The following PAIP2B variants were observed in gnomAD, a reference collection of about 807,000 sequenced individuals.
PAIP2B encodes the protein polyadenylate-binding protein-interacting protein 2B.
In PAIP2B, 13 loss-of-function variants were observed where a neutral mutation model predicts 17.0. The ratio of observed to expected loss-of-function variants is 0.76; its 90% CI spans 0.50 to 1.22. The LOEUF is 1.22. Among genes scored for constraint, PAIP2B ranks in the 50% most tolerant of loss-of-function variants. PAIP2B has a pLI of 0.00. For missense variants in PAIP2B, 117 were observed against 144.5 expected (o/e 0.81, Z 0.98); for synonymous variants, 43 against 48.7 (o/e 0.88, Z 0.48).
At chr2:71,202,337 A>G in intron 2 of PAIP2B, 115 bp downstream of exon 2, 1 of 1,344,276 alleles carries the variant, frequency 7.4e-7, no homozygotes, top group South Asian at 1.5e-5. Flanking sequence ...ATGAATTTTT[A>G]AGTTATTCTA....
chr2:71,197,484 T>A (rs1336152581), intron 2 of PAIP2B, among the ~76,000 whole-genome samples: 1 of 152,216 alleles, frequency 6.6e-6, no homozygotes, highest in Non-Finnish European at 1.5e-5. Context: ...GATGATTATG[T>A]GTCTTGGGAA....
At chr2:71,193,409 T>C (rs1445042732) in intron 2 of PAIP2B, among the ~76,000 whole-genome samples, 1 of 152,272 alleles carries the variant, frequency 6.6e-6, no homozygotes, top group African/African-American at 2.4e-5. Context: ...GTTGATAGTT[T>C]CTTTTGCTGT....
In PAIP2B at chr2:71,190,007, C is replaced by T. The variant is rs780326304; in HGVS notation, c.153G>A (p.Leu51=). Residue 51 remains leucine, a synonymous_variant, in exon 3 of 4, where the codon CTG becomes CTA. Coordinates refer to ENST00000244221, the MANE Select transcript of PAIP2B (RefSeq NM_020459.1). ...AGCGGTCCAAGAAGTCTTGCTCCTG[C>T]AGTTCCTCCTCCACCTAGCAAGCAA... ...EDFNRQVEEE[L]QEQDFLDRCF... 6 of 1,611,060 alleles carry T rather than the reference C, an allele frequency of 3.7e-6. No individual in the cohort carries two copies. The East Asian group carries it at 1.3e-4, about 36-fold the overall frequency.
Position 71,189,989 on chromosome 2 carries a change from C to T in PAIP2B, c.171G>A (p.Leu57=), listed in dbSNP as rs376354066. The change falls in exon 3 of 4, where the codon TTG becomes TTA. Residue 57 remains leucine (L), a synonymous_variant. Transcript: ENST00000244221. ...CCAGCATCTCTTGGAAGCAGCGGTC[C>T]AAGAAGTCTTGCTCCTGCAGTTCCT... ...VEEELQEQDF[L]DRCFQEMLDE... is the part of the protein sequence containing the mutation. 11 of 1,612,402 alleles carry T rather than the reference C, an allele frequency of 6.8e-6. No homozygotes were observed. In the African/African-American group the frequency reaches 1.5e-4, roughly 22 times the overall value.
chr2:71,214,650 T>C (rs1344136249), intron 1 of PAIP2B, among the ~76,000 whole-genome samples: 1 of 152,228 alleles, frequency 6.6e-6, no homozygotes, highest in Non-Finnish European at 1.5e-5. Flanking sequence ...TGAAGCTATA[T>C]ACAGCCTTTA....
At chr2:71,196,116 A>G (rs1450896722) in intron 2 of PAIP2B, among the ~76,000 whole-genome samples, 1 of 151,990 alleles carries the variant, frequency 6.6e-6, no homozygotes, top group Non-Finnish European at 1.5e-5. Context: ...TAGGTTGTTA[A>G]TTTGAGATCT....
At chr2:71,198,268 G>A (rs1347860111) in intron 2 of PAIP2B, among the ~76,000 whole-genome samples, 2 of 142,436 alleles carry the variant, frequency 1.4e-5, no homozygotes, top group Non-Finnish European at 3.1e-5. Context: ...ACAGGTGCCT[G>A]CCACCAGGCC....
chr2:71,185,842 G>A lies in PAIP2B; in HGVS notation c.*2637C>T, dbSNP rs1409671116. On this transcript the variant is annotated 3_prime_UTR_variant, in exon 4 of 4. Transcript: ENST00000244221. ...TTGGGTTTTTTCCCTTGAAAAGAAA[G>A]AGATAAATTATTTTCATCTTGGAAT... 6.6e-6 allele frequency: 1 copy of A among 152,134 alleles called. No individual in the cohort carries two copies. The highest frequency in any genetic ancestry group is 2.4e-5 in the African/African-American group (1 of 41,410). 9.4% of individuals were successfully genotyped at this position (152,134 alleles called of 1,614,324 possible). A position where few individuals can be genotyped will look rare whatever the true frequency, so the allele number is the denominator to read the frequency against.
chr2:71,189,598 G>A (rs1381800509), intron 3 of PAIP2B, among the ~76,000 whole-genome samples: 1 of 152,174 alleles, frequency 6.6e-6, no homozygotes, highest in Non-Finnish European at 1.5e-5. Context: ...AGTAAAGGTT[G>A]GTGGCGTCCA....
chr2:71,202,244 A>G (rs1675003335), intron 2 of PAIP2B, among the ~76,000 whole-genome samples: 2 of 152,216 alleles, frequency 1.3e-5, no homozygotes, highest in African/African-American at 4.8e-5. Context: ...AAAAATATAA[A>G]TATCTTCCTC....
chr2:71,197,931 G>C (rs551428419), intron 2 of PAIP2B, among the ~76,000 whole-genome samples: 1 of 152,348 alleles, frequency 6.6e-6, no homozygotes, highest in African/African-American at 2.4e-5. Flanking sequence ...GGAGCTACAA[G>C]ATGAGATTTG....
At position 71,185,893 on chromosome 2, in the gene PAIP2B, T is replaced by C. The variant is rs1674523878; in HGVS notation, c.*2586A>G. ...TTTAGAGTTGAATAAATAATCCCAA[T>C]AATTACAGATCAATCACTAATAAAC... On this transcript the variant is annotated 3_prime_UTR_variant, in exon 4 of 4. Coordinates refer to ENST00000244221, the MANE Select transcript of PAIP2B (RefSeq NM_020459.1). 6.6e-6 allele frequency: 1 copy of C among 152,232 alleles called. No individual in the cohort carries two copies. The highest frequency in any genetic ancestry group is 2.4e-5 in the African/African-American group (1 of 41,460). 9.4% of individuals were successfully genotyped at this position (152,232 alleles called of 1,614,324 possible).
At chr2:71,202,701 T>G in intron 1 of PAIP2B, 101 bp from the exon 2 acceptor site, 1 of 1,056,460 alleles carries the variant, frequency 9.5e-7, no homozygotes, top group South Asian at 1.6e-5. Context: ...AAATTCTAAG[T>G]CAAAGATTTT....
intron 1 of PAIP2B, among the ~76,000 whole-genome samples, chr2:71,220,233 C>T (rs1169093279): frequency 2.0e-5 from 3 of 152,138 alleles, no homozygotes; most frequent in Non-Finnish European, 4.4e-5. Context: ...AAATATTAGC[C>T]CCTTTTTCAG....
chr2:71,196,924 G>C (rs930125069), intron 2 of PAIP2B, among the ~76,000 whole-genome samples: 72 of 152,242 alleles, frequency 4.7e-4, no homozygotes, highest in African/African-American at 1.7e-3. Flanking sequence ...TGTGAGATGG[G>C]TTTCTTGAAG....
intron 1 of PAIP2B, among the ~76,000 whole-genome samples, chr2:71,208,520 A>C (rs1319442772): frequency 1.3e-5 from 2 of 152,090 alleles, no homozygotes; most frequent in Non-Finnish European, 2.9e-5. Flanking sequence ...GAAGAGTGTG[A>C]CATCACAGAA....
intron 1 of PAIP2B, among the ~76,000 whole-genome samples, chr2:71,213,552 C>T (rs767002156): frequency 1.3e-5 from 2 of 152,152 alleles, no homozygotes; most frequent in Non-Finnish European, 2.9e-5. Flanking sequence ...TCGAGTCGTA[C>T]ATTCAGAGTA....
At chr2:71,219,675 C>G (rs889362782) in intron 1 of PAIP2B, among the ~76,000 whole-genome samples, 3 of 152,146 alleles carry the variant, frequency 2.0e-5, no homozygotes, top group African/African-American at 7.2e-5. Context: ...TCTCATAATC[C>G]CACTTCATTC....
intron 2 of PAIP2B, among the ~76,000 whole-genome samples, chr2:71,194,957 A>G (rs1398180745): frequency 6.6e-6 from 1 of 152,198 alleles, no homozygotes; most frequent in Admixed American, 6.5e-5. Context: ...AATTTTATCA[A>G]AAGACTTTTC....
Sources: allele counts gnomAD v4.1 joint callset (sites outside exome capture counted in the v4.1 genomes callset), GRCh38; gene constraint gnomAD v4.1.1; transcripts MANE v1.5; gene names NCBI Gene and HGNC (gene_info 2026-07-23, HGNC 2026-07-21).